GCNT2: variants seen among roughly 807,000 people sequenced by gnomAD.
GCNT2 encodes N-acetyllactosaminide beta-1,6-N-acetylglucosaminyl-transferase.
Under a neutral mutation model 34.2 loss-of-function variants are expected in GCNT2, and 34 were observed. The observed-to-expected ratio is 1.00, with a 90% CI of 0.76 to 1.32. GCNT2 has a LOEUF of 1.32. GCNT2 is among the 40% of genes most tolerant of loss of function. The pLI is 0.00. For missense variants in GCNT2, 584 were observed against 489.4 expected (o/e 1.19, Z -1.82); for synonymous variants, 212 against 188.0 (o/e 1.13, Z -1.04).
At chr6:10,614,170 G>A (rs1385817014) in intron 3 of GCNT2, among the ~76,000 whole-genome samples, 1 of 152,118 alleles carries the variant, frequency 6.6e-6, no homozygotes. Context: ...ACCAAGTGAT[G>A]CTTACTAGGT....
At chr6:10,565,737 G>A (rs371252375) in intron 3 of GCNT2, among the ~76,000 whole-genome samples, 4 of 151,328 alleles carry the variant, frequency 2.6e-5, no homozygotes, top group Admixed American at 6.6e-5. Context: ...CCACACCACC[G>A]GCCAAGATAG....
In GCNT2 at chr6:10,573,704, T is replaced by C. The variant is rs113462253; in HGVS notation, c.925+43868T>C. Among the ~76,000 whole-genome samples, 255 of 152,374 alleles carry C rather than the reference T, an allele frequency of 1.7e-3. 2 individuals are homozygous for C. The highest frequency in any genetic ancestry group is 5.7e-3 in the African/African-American group (238 of 41,590). On this transcript the variant is annotated intron_variant, in intron 3 of 4. Transcript: ENST00000495262. ...TGAAAAGCAGTGGTCTTCACCACCA[T>C]GCCGCATATTGACCCCATCGTTAGC...
At position 10,613,390 on chromosome 6, in the gene GCNT2, C is replaced by T. The variant is rs1192759231; in HGVS notation, c.926-7961C>T. Among the ~76,000 whole-genome samples, 3 of 148,990 alleles carry T rather than the reference C, an allele frequency of 2.0e-5. No homozygotes were observed. In the East Asian group the frequency reaches 5.8e-4, roughly 29 times the overall value. Reference sequence around the variant, plus strand: ...CAGATAATATTGACTTTTTTTTTTGCCCTGTCCTAGAAATAATGAAAAATA... The same window carrying T: ...CAGATAATATTGACTTTTTTTTTTGTCCTGTCCTAGAAATAATGAAAAATA... On this transcript the variant is annotated intron_variant, in intron 3 of 4. Coordinates refer to ENST00000495262, the MANE Select transcript of GCNT2 (RefSeq NM_145649.5).
chr6:10,614,451 C>T (rs1765678660), intron 3 of GCNT2, among the ~76,000 whole-genome samples: 1 of 152,056 alleles, frequency 6.6e-6, no homozygotes. Flanking sequence ...TGGTGAAACC[C>T]TATCTCTACT....
intron 1 of GCNT2, among the ~76,000 whole-genome samples, chr6:10,522,916 A>C (rs187197332): frequency 3.3e-5 from 5 of 152,328 alleles, no homozygotes; most frequent in South Asian, 2.1e-4. Context: ...TTTCTGCAAC[A>C]GTAAAATTAG....
intron 3 of GCNT2, among the ~76,000 whole-genome samples, chr6:10,534,905 C>T (rs544341610): frequency 4.6e-4 from 70 of 152,154 alleles, no homozygotes; most frequent in African/African-American, 1.5e-3. Context: ...AACATGGGTC[C>T]GGGCACAGTG....
chr6:10,594,728 C>T (rs1372224250), intron 3 of GCNT2, among the ~76,000 whole-genome samples: 1 of 152,172 alleles, frequency 6.6e-6, no homozygotes, highest in Non-Finnish European at 1.5e-5. Context: ...CAATTTAAAT[C>T]TCACTATAGA....
intron 3 of GCNT2, among the ~76,000 whole-genome samples, chr6:10,566,506 C>T (rs1417917880): frequency 6.6e-6 from 1 of 152,148 alleles, no homozygotes; most frequent in African/African-American, 2.4e-5. Flanking sequence ...GTTGCCTAAG[C>T]TGATCTTGAA....
chr6:10,601,809 C>T (rs867131575), intron 3 of GCNT2, among the ~76,000 whole-genome samples: 2 of 151,834 alleles, frequency 1.3e-5, no homozygotes, highest in African/African-American at 2.4e-5. Context: ...GGCGTGGTGG[C>T]GGGTGCCTGT....
chr6:10,586,105 C>T (rs368878274), intron 3 of GCNT2: 1 of 1,614,106 alleles, frequency 6.2e-7, no homozygotes, highest in Non-Finnish European at 8.5e-7. Context: ...CTGAACAGTT[C>T]CAGTGAAAGG....
intron 3 of GCNT2, among the ~76,000 whole-genome samples, chr6:10,538,700 T>C (rs1761899390): frequency 6.6e-6 from 1 of 151,910 alleles, no homozygotes; most frequent in African/African-American, 2.4e-5. Context: ...ATATGTAGTT[T>C]AATTGATTTG....
At chr6:10,592,998 C>T (rs751961944) in intron 3 of GCNT2, among the ~76,000 whole-genome samples, 1 of 152,180 alleles carries the variant, frequency 6.6e-6, no homozygotes, top group Non-Finnish European at 1.5e-5. Context: ...ACCTCAGGGT[C>T]CCAAAGTGTT....
rs1766386280 is a variant in GCNT2, at chr6:10,629,190, T to A, written c.*2583T>A. 1 of 152,652 alleles carries A rather than the reference T, an allele frequency of 6.6e-6. No homozygotes were observed. Among genetic ancestry groups the A allele is most frequent in the African/African-American group, 2.4e-5 (1 of 41,450 alleles). 9.5% of individuals were successfully genotyped at this position (152,652 alleles called of 1,614,324 possible). ...TCTTTCTGGAATTGATGTTTACATG[T>A]CTGTTGTTGGTCATCTCTCCTGTGT... On this transcript the variant is annotated 3_prime_UTR_variant, in exon 5 of 5. Transcript: ENST00000495262.
At chr6:10,601,740 G>C (rs1169637878) in intron 3 of GCNT2, among the ~76,000 whole-genome samples, 3 of 152,016 alleles carry the variant, frequency 2.0e-5, no homozygotes, top group Non-Finnish European at 4.4e-5. Context: ...AGGAATTCAA[G>C]ACCAGCCTGG....
chr6:10,603,525 T>A (rs932753724), intron 3 of GCNT2, among the ~76,000 whole-genome samples: 6 of 152,186 alleles, frequency 3.9e-5, no homozygotes, highest in African/African-American at 1.4e-4. Flanking sequence ...AGTCTTTTTT[T>A]ATTTTTTTGA....
intron 3 of GCNT2, among the ~76,000 whole-genome samples, chr6:10,582,195 AAT>A (rs970732909): frequency 8.5e-4 from 107 of 125,788 alleles, no homozygotes; most frequent in African/African-American, 2.7e-3. Context: ...ATTTTTATAT[AAT>A]ATATAAAATT....
intron 3 of GCNT2, among the ~76,000 whole-genome samples, chr6:10,614,005 G>A (rs879794034): frequency 6.6e-6 from 1 of 152,192 alleles, no homozygotes; most frequent in Admixed American, 6.5e-5. Context: ...TAGAGAAGGA[G>A]CAACTGGACA....
intron 3 of GCNT2, among the ~76,000 whole-genome samples, chr6:10,564,073 C>T (rs1040192220): frequency 6.8e-4 from 103 of 152,144 alleles, no homozygotes; most frequent in Admixed American, 1.1e-3. Context: ...AGCCCATTTT[C>T]CTGGAGATTT....
rs573168281 is a variant in GCNT2, at chr6:10,623,480, C to T, written c.1018+2037C>T. Among the ~76,000 whole-genome samples the T allele has an allele frequency of 3.7e-4, 57 of 152,010 alleles. 1 individual carries two copies. The South Asian group carries it at 0.012, about 31-fold the overall frequency. On this transcript the variant is annotated intron_variant, in intron 4 of 4. Transcript: ENST00000495262. ...CTAATTTTTGTATTTTTAGTAGAGA[C>T]GGGGTTTCACCATGTTGGCCAGACT... is the stretch of plus-strand genomic sequence containing the variant.
Sources: gnomAD v4.1 joint callset for allele counts (sites outside exome capture counted in the v4.1 genomes callset) on GRCh38, gnomAD v4.1.1 for gene constraint, MANE v1.5 for transcripts, NCBI Gene and HGNC (gene_info 2026-07-23, HGNC 2026-07-21) for gene names.